Variants in INSL6 observed in about 807,000 individuals in gnomAD.
The protein encoded by INSL6 is insulin like 6.
INSL6 carries 16 observed loss-of-function variants against 9.4 expected under a neutral mutation model. The observed-to-expected ratio is 1.70, with a 90% CI of 1.15 to 2.59. The LOEUF is 2.59. Among genes scored for constraint, INSL6 ranks in the 30% most tolerant of loss-of-function variants. The pLI, the probability that INSL6 is intolerant of heterozygous loss-of-function variation, is 0.00. For missense variants in INSL6, 391 were observed against 257.3 expected, an observed-to-expected ratio of 1.52 and a Z score of -3.56; for synonymous variants, 154 against 96.9, an observed-to-expected ratio of 1.59 and a Z score of -3.46.
the INSL6 span, among the ~76,000 whole-genome samples, chr9:5,062,154 T>G: frequency 6.6e-6 from 1 of 152,178 alleles, no homozygotes; most frequent in East Asian, 1.9e-4. Context: ...CAAACATGGA[T>G]GGAAAATATA....
At chr9:5,074,708 G>A in the INSL6 span, among the ~76,000 whole-genome samples, 7 of 152,174 alleles carry the variant, frequency 4.6e-5, no homozygotes, top group East Asian at 1.9e-4. Flanking sequence ...GTCTTTAAAT[G>A]TTCAAGTGAA....
downstream of INSL6, among the ~76,000 whole-genome samples, chr9:5,119,307 T>A (rs1287787039): frequency 6.6e-6 from 1 of 152,102 alleles, no homozygotes; most frequent in Non-Finnish European, 1.5e-5. Context: ...CATGGAGGTA[T>A]GTTTATTATG....
chr9:5,098,388 C>T, the INSL6 span: 1 of 152,178 alleles, frequency 6.6e-6, no homozygotes, highest in African/African-American at 2.4e-5. Context: ...CATCCCCTAT[C>T]ATAGAAGAAC....
chr9:5,093,720 C>A, the INSL6 span, among the ~76,000 whole-genome samples: 1 of 152,242 alleles, frequency 6.6e-6, no homozygotes, highest in East Asian at 1.9e-4. Context: ...ATCAACAGAA[C>A]AAGTTACCCT....
chr9:5,154,694 C>T (rs1278669852), intron 2 of INSL6, among the ~76,000 whole-genome samples: 2 of 152,206 alleles, frequency 1.3e-5, no homozygotes, highest in Admixed American at 1.3e-4. Flanking sequence ...CAAAAGAAGA[C>T]ATTTATGCAG....
chr9:5,000,179 G>C, the INSL6 span, among the ~76,000 whole-genome samples: 2 of 151,234 alleles, frequency 1.3e-5, no homozygotes, highest in Non-Finnish European at 2.9e-5. Context: ...TTTGATTATA[G>C]TGTTTATAAT....
chr9:5,151,938 T>C (rs1245206546), intron 2 of INSL6, among the ~76,000 whole-genome samples: 2 of 152,084 alleles, frequency 1.3e-5, no homozygotes, highest in African/African-American at 4.8e-5. Flanking sequence ...AAATAAAAGA[T>C]TGGGAAAATG....
the INSL6 span, chr9:5,080,723 AT>A: frequency 2.8e-6 from 4 of 1,427,754 alleles, no homozygotes; most frequent in Non-Finnish European, 3.8e-6. Context: ...CCAGCTTTCT[AT>A]CTTTATTGTA....
the INSL6 span, chr9:5,022,337 T>G: frequency 1.7e-6 from 1 of 595,602 alleles, no homozygotes; most frequent in Middle Eastern, 4.5e-4. Context: ...CTGGCGTGTG[T>G]GTTTTCACAT....
chr9:5,084,111 A>C, the INSL6 span, among the ~76,000 whole-genome samples: 1 of 152,170 alleles, frequency 6.6e-6, no homozygotes, highest in Non-Finnish European at 1.5e-5. Flanking sequence ...AATTCTTTTA[A>C]ACATAAGTAA....
intron 1 of INSL6, among the ~76,000 whole-genome samples, chr9:5,166,827 A>G (rs1825063683): frequency 6.6e-6 from 1 of 152,220 alleles, no homozygotes; most frequent in African/African-American, 2.4e-5. Context: ...AAAACTAGGT[A>G]AGAACAATAT....
chr9:5,075,152 G>A, the INSL6 span, among the ~76,000 whole-genome samples: 3 of 152,038 alleles, frequency 2.0e-5, no homozygotes, highest in Non-Finnish European at 2.9e-5. Context: ...AGCAGAGGTT[G>A]GTTCATGAGG....
the INSL6 span, chr9:5,114,765 T>G: frequency 3.1e-6 from 1 of 327,000 alleles, no homozygotes; most frequent in South Asian, 2.7e-5. Context: ...AGCGACTGGC[T>G]CACAGACCGT....
chr9:5,059,297 T>C, the INSL6 span, among the ~76,000 whole-genome samples: 1 of 152,248 alleles, frequency 6.6e-6, no homozygotes, highest in East Asian at 1.9e-4. Context: ...TAATAAAGGT[T>C]GTATAAATGG....
intron 2 of INSL6, among the ~76,000 whole-genome samples, chr9:5,150,258 AT>A (rs1824684295): frequency 3.1e-5 from 2 of 63,936 alleles, no homozygotes; most frequent in African/African-American, 2.2e-4. Flanking sequence ...AGACATAGTT[AT>A]AAACTAGAAA....
At chr9:5,102,625 G>A in the INSL6 span, among the ~76,000 whole-genome samples, 1 of 152,160 alleles carries the variant, frequency 6.6e-6, no homozygotes, top group Admixed American at 6.6e-5. Context: ...GGAAAAAAAT[G>A]TTAAGGGCAG....
the INSL6 span, chr9:5,041,921 C>A: frequency 1.3e-5 from 5 of 392,816 alleles, no homozygotes; most frequent in African/African-American, 2.1e-5. Flanking sequence ...GGCGATGAAA[C>A]GAAATGCTGC....
intron 3 of INSL6, among the ~76,000 whole-genome samples, chr9:5,130,710 A>AT (rs1290982828): frequency 3.4e-5 from 5 of 147,656 alleles, no homozygotes; most frequent in Non-Finnish European, 5.9e-5. Flanking sequence ...TCTTTTTTTT[A>AT]TTTTTTTTAT....
At chr9:5,114,051 G>C in the INSL6 span, 2 of 324,680 alleles carry the variant, frequency 6.2e-6, no homozygotes, top group African/African-American at 4.3e-5. Flanking sequence ...GGATGAGCTG[G>C]CCTCCACACA....
Sources: gnomAD v4.1 joint callset for allele counts (sites outside exome capture counted in the v4.1 genomes callset) on GRCh38, gnomAD v4.1.1 for gene constraint, MANE v1.5 for transcripts, NCBI Gene and HGNC (gene_info 2026-07-23, HGNC 2026-07-21) for gene names.